The following NKX2-1 variants were observed in gnomAD, a reference collection of about 807,000 sequenced individuals.
NKX2-1 encodes the protein NK2 homeobox 1.
A neutral mutation model predicts 35.1 loss-of-function variants in NKX2-1; 9 were observed. The observed-to-expected ratio is 0.26, with a 90% CI of 0.15 to 0.45. NKX2-1 has a LOEUF of 0.45. Ranked by LOEUF, NKX2-1 falls within the 20% of genes least tolerant of loss-of-function variation. The pLI, the probability that NKX2-1 is intolerant of heterozygous loss-of-function variation, is 1.00. For missense variants in NKX2-1, 509 were observed against 589.1 expected, an observed-to-expected ratio of 0.86 and a Z score of 1.41; for synonymous variants, 284 against 269.9, an observed-to-expected ratio of 1.05 and a Z score of -0.51.
chr14:36,516,945 C>T lies in NKX2-1; in HGVS notation c.*333G>A, dbSNP rs758339066. On this transcript the variant is annotated 3_prime_UTR_variant, in exon 3 of 3. Transcript: ENST00000354822. Reference sequence around the variant, plus strand: ...AGAGCCCTCTCCAATCTGTGCCCCGCCCTAGCGTGGAAAACCCATTTGAAT... The same window carrying T: ...AGAGCCCTCTCCAATCTGTGCCCCGTCCTAGCGTGGAAAACCCATTTGAAT... 7 of 397,314 alleles carry T rather than the reference C, an allele frequency of 1.8e-5. No individual in the cohort carries two copies. The highest frequency in any genetic ancestry group is 2.7e-5 in the Non-Finnish European group (6 of 218,686). The allele number at this position is 397,314 out of a possible 1,614,324, so 24.6% of individuals were successfully genotyped here.
In NKX2-1 at chr14:36,517,125, GGCCTTTGT is replaced by G; in HGVS notation, c.*145_*152del. 3.8e-6 allele frequency: 5 copies of G among 1,326,136 alleles called. No individual in the cohort carries two copies. In the South Asian group the frequency reaches 6.3e-5, roughly 17 times the overall value. 82.1% of individuals were successfully genotyped at this position (1,326,136 alleles called of 1,614,324 possible). ...AAAAAAGAAAGACGTCCAGCAGTTT[GGCCTTTGT>G]GGTTTTTTTGTTCCTTGGTCTAAAC... On this transcript the variant is annotated 3_prime_UTR_variant, in exon 3 of 3. Coordinates refer to ENST00000354822, the MANE Select transcript of NKX2-1 (RefSeq NM_001079668.3).
intron 1 of NKX2-1, 25 bp downstream of exon 1, chr14:36,520,028 C>T: frequency 6.2e-7 from 1 of 1,612,910 alleles, no homozygotes; most frequent in Non-Finnish European, 8.5e-7. Flanking sequence ...GAGGAGGGGG[C>T]TGAGGGACAG....
At position 36,516,573 on chromosome 14, in the gene NKX2-1, G is replaced by C. The variant is rs1881025528; in HGVS notation, c.*705C>G. 2 of 233,138 alleles carry C rather than the reference G, an allele frequency of 8.6e-6. No individual in the cohort carries two copies. The highest frequency in any genetic ancestry group is 1.1e-4 in the Admixed American group (2 of 17,778). 14.4% of individuals were successfully genotyped at this position (233,138 alleles called of 1,614,324 possible). A position where few individuals can be genotyped will look rare whatever the true frequency, so the allele number is the denominator to read the frequency against. ...TGCCCATAAAAAATGTGAAGGGCTG[G>C]GGACTGGGAGTGGTTTTTCTTTTTA... is the stretch of plus-strand genomic sequence containing the variant. On this transcript the variant is annotated 3_prime_UTR_variant, in exon 3 of 3. Transcript: ENST00000354822.
rs1159598878 is a variant in NKX2-1, at chr14:36,519,351, T to C, written c.97A>G (p.Met33Val). 6.2e-7 allele frequency: 1 copy of C among 1,612,780 alleles called. No individual in the cohort carries two copies. The highest frequency in any genetic ancestry group is 8.5e-7 in the Non-Finnish European group (1 of 1,179,964). The part of the protein sequence containing the change: ...GRLSRRRIMS[M>V]SPKHTTPFSV... Reference sequence around the variant, plus strand: ...AACGGAGTCGTGTGCTTTGGACTCATCGACATGATTCGGCGGCGGCTGGAG... The same window carrying C: ...AACGGAGTCGTGTGCTTTGGACTCACCGACATGATTCGGCGGCGGCTGGAG... The change falls in exon 2 of 3, where the codon ATG becomes GTG. Residue 33 changes from methionine to valine, a missense_variant. Coordinates refer to ENST00000354822, the MANE Select transcript of NKX2-1 (RefSeq NM_001079668.3).
At position 36,517,393 on chromosome 14, in the gene NKX2-1, G is replaced by T; in HGVS notation, c.1091C>A (p.Ala364Asp). ...AGQSPDLAHH[A>D]ASPAALQGQV... Reference sequence around the variant, plus strand: ...GCCCTGCAGCGCCGCGGGGCTGGCGGCGTGGTGCGCCAGGTCCGGAGACTG... The same window carrying T: ...GCCCTGCAGCGCCGCGGGGCTGGCGTCGTGGTGCGCCAGGTCCGGAGACTG... The change falls in exon 3 of 3, where the codon GCC becomes GAC. Residue 364 changes from alanine to aspartate, a missense_variant. Around this residue, in one of 5 missense-constraint regions of NKX2-1, gnomAD observed 212 missense variants for 227.7 expected, o/e 0.93. Coordinates refer to ENST00000354822, the MANE Select transcript of NKX2-1 (RefSeq NM_001079668.3). 6.3e-7 allele frequency: 1 copy of T among 1,598,814 alleles called. No homozygotes were observed. Among genetic ancestry groups the T allele is most frequent in the Non-Finnish European group, 8.5e-7 (1 of 1,174,952 alleles).
intron 1 of NKX2-1, 28 bp from the exon 2 acceptor site, chr14:36,519,398 A>T (rs1348454591): frequency 1.2e-6 from 2 of 1,612,442 alleles, no homozygotes; most frequent in East Asian, 2.2e-5. Flanking sequence ...AGGAGGAAAA[A>T]AAAGGGAGAG....
chr14:36,519,159 C>T lies in NKX2-1; in HGVS notation c.289G>A (p.Ala97Thr), dbSNP rs762924398. The T allele has an allele frequency of 6.2e-7, 1 of 1,604,472 alleles. No individual in the cohort carries two copies. Among genetic ancestry groups the T allele is most frequent in the South Asian group, 1.1e-5 (1 of 90,224 alleles). ...AVGHHGAVTAAYHMTAAGVPQ... is the reference protein window; with the variant it reads ...AVGHHGAVTATYHMTAAGVPQ... Reference sequence around the variant, plus strand: ...ACCCCCGCCGCCGTCATGTGGTAGGCGGCGGTGACGGCGCCGTGGTGCCCC... The same window carrying T: ...ACCCCCGCCGCCGTCATGTGGTAGGTGGCGGTGACGGCGCCGTGGTGCCCC... Residue 97 changes from alanine to threonine, a missense_variant, in exon 2 of 3, where the codon GCC (alanine) becomes ACC (threonine). Coordinates refer to ENST00000354822, the MANE Select transcript of NKX2-1 (RefSeq NM_001079668.3).
chr14:36,519,723 AAG>A (rs149047715), intron 1 of NKX2-1: 29,687 of 1,263,186 alleles, frequency 0.024, 30 homozygotes, highest in East Asian at 0.041. Context: ...TTAGGTCTCA[AAG>A]AGAGAGAGAG....
rs751097160 is a variant in NKX2-1 at position 36,517,993 on chromosome 14, C to T, written c.491G>A (p.Gly164Asp). The T allele has an allele frequency of 6.3e-7, 1 of 1,598,616 alleles. No homozygotes were observed. Among genetic ancestry groups the T allele is most frequent in the Non-Finnish European group, 8.5e-7 (1 of 1,179,662 alleles). Residue 164 changes from glycine to aspartate, a missense_variant, in exon 3 of 3, where the codon GGC (glycine) becomes GAC (aspartate). Gly to Asp is a moderately conservative substitution (Grantham distance 94, BLOSUM62 -1). Transcript: ENST00000354822. ...AISRFMGPAS[G>D]MNMSGMGGLG... ...GCCGCCCATGCCGCTCATGTTCATG[C>T]CGCTCGCCGGGCCCATGAAGCGGGA...
rs926573030 is a variant in NKX2-1 at position 36,518,844 on chromosome 14, G to A, written c.463+141C>T. 19 of 1,127,156 alleles carry A rather than the reference G, an allele frequency of 1.7e-5. No individual in the cohort carries two copies. In the African/African-American group the frequency reaches 2.2e-4, roughly 13 times the overall value. 69.8% of individuals were successfully genotyped at this position (1,127,156 alleles called of 1,614,324 possible). ...GCAGGGGGAAGCATCCCCAGCTCCCGCACCCAAGTCCCTGGCGCCGCTGCC... is the reference window on the plus strand; with the variant it reads ...GCAGGGGGAAGCATCCCCAGCTCCCACACCCAAGTCCCTGGCGCCGCTGCC... On this transcript the variant is annotated intron_variant, in intron 2 of 2. Transcript: ENST00000354822.
Position 36,516,586 on chromosome 14 carries a change from G to T in NKX2-1, c.*692C>A, listed in dbSNP as rs1245115707. On this transcript the variant is annotated 3_prime_UTR_variant, in exon 3 of 3. Coordinates refer to ENST00000354822, the MANE Select transcript of NKX2-1 (RefSeq NM_001079668.3). The stretch of plus-strand genomic sequence containing the variant: ...TGTGAAGGGCTGGGGACTGGGAGTG[G>T]TTTTTCTTTTTACAACAAAATGTAC... The T allele has an allele frequency of 4.3e-6, 1 of 233,044 alleles. No homozygotes were observed. The highest frequency in any genetic ancestry group is 8.5e-6 in the Non-Finnish European group (1 of 117,768). 14.4% of individuals were successfully genotyped at this position (233,044 alleles called of 1,614,324 possible).
chr14:36,517,093 G>GGTGGGA lies in NKX2-1; in HGVS notation c.*184_*185insTCCCAC. ...AAAAAAAAAAACCCACAAATTTTAG[G>GGTGGGA]GGGGGAAAAAAAGAAAGACGTCCAG... On this transcript the variant is annotated 3_prime_UTR_variant, in exon 3 of 3. Transcript: ENST00000354822. 1 of 1,067,292 alleles carries GGTGGGA rather than the reference G, an allele frequency of 9.4e-7. No homozygotes were observed. Among genetic ancestry groups the GGTGGGA allele is most frequent in the Non-Finnish European group, 1.3e-6 (1 of 799,974 alleles). The allele number at this position is 1,067,292 out of a possible 1,614,324, so 66.1% of individuals were successfully genotyped here.
Position 36,520,134 on chromosome 14 carries a change from C to CTTCG in NKX2-1, c.-9_-6dup, listed in dbSNP as rs767485199. On this transcript the variant is annotated 5_prime_UTR_variant, in exon 1 of 3. Transcript: ENST00000354822. ...CCCACTGCCTCCGGACCACATCGGG[C>CTTCG]TTCGCTGCGCTGAGCCCCAGTCGCC... 2 of 1,612,762 alleles carry CTTCG rather than the reference C, an allele frequency of 1.2e-6. No individual in the cohort carries two copies. Among genetic ancestry groups the CTTCG allele is most frequent in the Non-Finnish European group, 1.7e-6 (2 of 1,179,868 alleles).
intron 1 of NKX2-1, chr14:36,519,746 A>G: frequency 2.0e-6 from 3 of 1,482,630 alleles, no homozygotes; most frequent in Non-Finnish European, 2.7e-6. Context: ...AGAGGCAGAG[A>G]CGAGACCCAA....
rs1299048749 is a variant in NKX2-1, at chr14:36,517,801, A to C, written c.683T>G (p.Ile228Ser). ...CTTGACCTGCGTGGGCGTCAGGTGGATCATGCTGGCCAGGTGCTCGCGCTC... is the reference window on the plus strand; with the variant it reads ...CTTGACCTGCGTGGGCGTCAGGTGGCTCATGCTGGCCAGGTGCTCGCGCTC... ...APEREHLASMIHLTPTQVKIW... is the reference protein window; with the variant it reads ...APEREHLASMSHLTPTQVKIW... The change falls in exon 3 of 3, where the codon ATC becomes AGC. Residue 228 changes from isoleucine (I) to serine (S), a missense_variant. Transcript: ENST00000354822. 1.2e-6 allele frequency: 2 copies of C among 1,612,738 alleles called. No individual in the cohort carries two copies. Among genetic ancestry groups the C allele is most frequent in the Non-Finnish European group, 1.7e-6 (2 of 1,179,798 alleles).
Position 36,517,888 on chromosome 14 carries a change from G to C in NKX2-1, c.596C>G (p.Ser199Trp), listed in dbSNP as rs796744527. 1 of 1,611,298 alleles carries C rather than the reference G, an allele frequency of 6.2e-7. No homozygotes were observed. The stretch of plus-strand genomic sequence containing the variant: ...CTCCAGCTCGTACACCTGCGCCTGC[G>C]AGAAGAGCACCCGGCGCTTCCTGCG... The part of the protein sequence containing the change: ...APRRKRRVLF[S>W]QAQVYELERR... The change falls in exon 3 of 3, where the codon TCG (serine) becomes TGG (tryptophan). Residue 199 changes from serine to tryptophan, a missense_variant. Transcript: ENST00000354822.
At chr14:36,518,907 G>A in intron 2 of NKX2-1, 78 bp downstream of exon 2, 1 of 1,386,726 alleles carries the variant, frequency 7.2e-7, no homozygotes. Flanking sequence ...CAGCCTGCCG[G>A]CGCCGCGCCT....
intron 2 of NKX2-1, 29 bp downstream of exon 2, chr14:36,518,956 C>A (rs1192261577): frequency 1.3e-6 from 2 of 1,532,046 alleles, no homozygotes; most frequent in Non-Finnish European, 1.7e-6. Context: ...GCTCAGCCCG[C>A]GGCCCCGCAG....
In NKX2-1 at chr14:36,517,407, G is replaced by A; in HGVS notation, c.1077C>T (p.Asp359=). The part of the protein sequence containing the change: ...HQPGSAGQSP[D]LAHHAASPAA... ...CGGGGCTGGCGGCGTGGTGCGCCAG[G>A]TCCGGAGACTGGCCTGCGCTGCCTG... The change falls in exon 3 of 3, where the codon GAC becomes GAT. Residue 359 remains aspartate (D), a synonymous_variant. Coordinates refer to ENST00000354822, the MANE Select transcript of NKX2-1 (RefSeq NM_001079668.3). 1.3e-6 allele frequency: 2 copies of A among 1,590,482 alleles called. No homozygotes were observed. Among genetic ancestry groups the A allele is most frequent in the Middle Eastern group, 1.9e-4 (1 of 5,262 alleles).
Sources: allele counts gnomAD v4.1 joint callset, GRCh38; gene constraint gnomAD v4.1.1; regional missense constraint gnomAD v4.1.1; transcripts MANE v1.5; gene names NCBI Gene and HGNC (gene_info 2026-07-23, HGNC 2026-07-21).